Variants in ANO4 observed in about 807,000 individuals in gnomAD.
The protein encoded by ANO4 is anoctamin 4, also known as anoctamin-4.
In ANO4, 69 loss-of-function variants were observed where a neutral mutation model predicts 141.9. The observed-to-expected ratio is 0.49, with a 90% CI of 0.40 to 0.59. ANO4 has a LOEUF of 0.59. ANO4 is among the 20% of genes least tolerant of loss of function. The pLI, the probability that ANO4 is intolerant of heterozygous loss-of-function variation, is 0.00. For missense variants in ANO4, 894 were observed against 1,162.2 expected (o/e 0.77, Z 3.36); for synonymous variants, 350 against 394.3 (o/e 0.89, Z 1.33).
At chr12:100,723,211 G>A (rs752604286) in intron 1 of ANO4, among the ~76,000 whole-genome samples, 4 of 151,954 alleles carry the variant, frequency 2.6e-5, no homozygotes, top group Admixed American at 6.6e-5. Flanking sequence ...CCTTTAAAAC[G>A]TTATGTTTTT....
chr12:100,926,824 G>A (rs908153472), intron 3 of ANO4, among the ~76,000 whole-genome samples: 2 of 152,014 alleles, frequency 1.3e-5, no homozygotes, highest in Non-Finnish European at 2.9e-5. Flanking sequence ...AATTGCAAGA[G>A]AGATGCCCTG....
chr12:101,028,558 A>G (rs147194029), intron 9 of ANO4, among the ~76,000 whole-genome samples: 110 of 152,332 alleles, frequency 7.2e-4, no homozygotes, highest in African/African-American at 2.6e-3. Flanking sequence ...TGAATTGACC[A>G]AGAGGAAGAA....
chr12:100,975,035 C>T, intron 7 of ANO4, 146 bp downstream of exon 7: 4 of 893,000 alleles, frequency 4.5e-6, no homozygotes, highest in South Asian at 1.4e-5. Flanking sequence ...TCAGCTGTGT[C>T]TGATTAGCCT....
In ANO4 at chr12:101,015,280, T is replaced by A. The variant is rs148225410; in HGVS notation, c.735-4754T>A. 1.1e-3 allele frequency among the ~76,000 whole-genome samples: 173 copies of A among 152,320 alleles called. 1 individual carries two copies. The highest frequency in any genetic ancestry group is 4.0e-3 in the African/African-American group (166 of 41,564). On this transcript the variant is annotated intron_variant, in intron 8 of 27. Coordinates refer to ENST00000392977, the MANE Select transcript of ANO4 (RefSeq NM_001286615.2). ...AGGTGTATGTGTCCTCCCATAGTCA[T>A]TCTGTGCATGCACAAGCAAATATGC...
intron 1 of ANO4, among the ~76,000 whole-genome samples, chr12:100,844,820 T>G (rs937126155): frequency 2.0e-5 from 3 of 151,784 alleles, no homozygotes; most frequent in African/African-American, 7.3e-5. Context: ...TGGGGAACAT[T>G]AGCATGTTCA....
intron 8 of ANO4, among the ~76,000 whole-genome samples, chr12:101,012,529 GGTTT>G (rs1411224249): frequency 1.3e-5 from 2 of 152,128 alleles, no homozygotes; most frequent in Non-Finnish European, 2.9e-5. Flanking sequence ...TAACAGTCTG[GGTTT>G]GTTTGTTCAG....
chr12:101,045,666 G>A (rs534536787), intron 13 of ANO4, among the ~76,000 whole-genome samples: 2 of 152,282 alleles, frequency 1.3e-5, no homozygotes, highest in South Asian at 4.1e-4. Flanking sequence ...GGCTTAGTCA[G>A]AAAGTGATGT....
intron 1 of ANO4, among the ~76,000 whole-genome samples, chr12:100,725,568 A>C (rs1038679709): frequency 2.6e-5 from 4 of 151,756 alleles, no homozygotes; most frequent in African/African-American, 7.3e-5. Context: ...GGATGGTCTC[A>C]ATCTCCTGAC....
At chr12:100,946,570 A>G (rs1471452863) in intron 5 of ANO4, among the ~76,000 whole-genome samples, 4 of 152,220 alleles carry the variant, frequency 2.6e-5, no homozygotes, top group Non-Finnish European at 4.4e-5. Context: ...TTATCTAAGC[A>G]GTTGGGAGAA....
At position 100,726,906 on chromosome 12, in the gene ANO4, C is replaced by G. The variant is rs1430440055; in HGVS notation, c.23-6868C>G. 2.0e-5 allele frequency among the ~76,000 whole-genome samples: 3 copies of G among 150,898 alleles called. No individual in the cohort carries two copies. The East Asian group carries it at 5.8e-4, about 29-fold the overall frequency. Reference sequence around the variant, plus strand: ...CTTTGAAAAAAATTGGTAATTTATACACACACACACACACAGAAAAGTGCA... The same window carrying G: ...CTTTGAAAAAAATTGGTAATTTATAGACACACACACACACAGAAAAGTGCA... On this transcript the variant is annotated intron_variant, in intron 1 of 29. Coordinates refer to the ANO4 transcript ENST00000644049.
intron 2 of ANO4, among the ~76,000 whole-genome samples, chr12:100,917,319 A>C (rs1411024972): frequency 1.3e-5 from 2 of 152,118 alleles, no homozygotes; most frequent in African/African-American, 4.8e-5. Flanking sequence ...GTGGGGCTGT[A>C]TTTTAAAGAA....
intron 22 of ANO4, among the ~76,000 whole-genome samples, chr12:101,103,180 ATTTTATATATATAT>A (rs1416165294): frequency 9.8e-4 from 19 of 19,328 alleles, no homozygotes; most frequent in African/African-American, 3.8e-3. Context: ...CTTTTTAGTC[ATTTTATATATATAT>A]ATATATATAT....
chr12:101,086,431 C>A (rs2049502791), intron 16 of ANO4, among the ~76,000 whole-genome samples: 1 of 152,068 alleles, frequency 6.6e-6, no homozygotes, highest in African/African-American at 2.4e-5. Context: ...ATAGCTTACA[C>A]AGATTCTCAA....
At chr12:100,910,207 T>C (rs1469348636) in intron 2 of ANO4, among the ~76,000 whole-genome samples, 1 of 152,158 alleles carries the variant, frequency 6.6e-6, no homozygotes, top group Non-Finnish European at 1.5e-5. Flanking sequence ...TGTTCAGTAA[T>C]AAATGGTTGA....
intron 1 of ANO4, among the ~76,000 whole-genome samples, chr12:100,815,330 A>G (rs1593407412): frequency 6.6e-6 from 1 of 152,152 alleles, no homozygotes; most frequent in South Asian, 2.1e-4. Context: ...TCGTAATGAT[A>G]TAATCATTGA....
At chr12:101,037,448 A>G (rs2047243294) in intron 10 of ANO4, among the ~76,000 whole-genome samples, 1 of 152,262 alleles carries the variant, frequency 6.6e-6, no homozygotes, top group Non-Finnish European at 1.5e-5. Context: ...GACAATTTGC[A>G]TGAGGCACCA....
intron 9 of ANO4, among the ~76,000 whole-genome samples, chr12:101,033,153 TCATGTCCTTTGTAGGGA>T (rs1439054529): frequency 2.0e-5 from 3 of 152,170 alleles, no homozygotes; most frequent in African/African-American, 7.2e-5. Context: ...AATGATGAGT[TCATGTCCTTTGTAGGGA>T]CATGAATGAA....
At chr12:100,835,416 A>T (rs114771838) in intron 1 of ANO4, among the ~76,000 whole-genome samples, 2,343 of 152,234 alleles carry the variant, frequency 0.015, 74 homozygotes, top group African/African-American at 0.054. Flanking sequence ...AAAGCCACAG[A>T]CGGTTGAAGA....
intron 3 of ANO4, among the ~76,000 whole-genome samples, chr12:100,754,109 G>C (rs1288296621): frequency 6.6e-6 from 1 of 152,188 alleles, no homozygotes; most frequent in Non-Finnish European, 1.5e-5. Flanking sequence ...GCTAAGAACT[G>C]GGGATGTGAG....
Sources: gnomAD v4.1 joint callset for allele counts (sites outside exome capture counted in the v4.1 genomes callset) on GRCh38, gnomAD v4.1.1 for gene constraint, MANE v1.5 for transcripts, NCBI Gene and HGNC (gene_info 2026-07-23, HGNC 2026-07-21) for gene names.